Variants in SYTL3 observed in about 807,000 individuals in gnomAD.
SYTL3 encodes the protein synaptotagmin-like protein 3.
Under a neutral mutation model 82.1 loss-of-function variants are expected in SYTL3, and 88 were observed. That is an observed-to-expected ratio of 1.07 (90% CI 0.90 to 1.28). The LOEUF (loss-of-function observed/expected upper bound fraction) is 1.28, where lower values mean the gene tolerates loss of function less well. Ranked by LOEUF, SYTL3 falls within the 50% of genes most tolerant of loss-of-function variation. SYTL3 has a pLI of 0.00. For synonymous variants in SYTL3, 311 were observed against 289.4 expected, an observed-to-expected ratio of 1.07 and a Z score of -0.76; for missense variants, 831 against 757.6, an observed-to-expected ratio of 1.10 and a Z score of -1.14.
intron 6 of SYTL3, 23 bp from the exon 7 acceptor site, chr6:158,707,207 C>T (rs750153707): frequency 1.9e-5 from 30 of 1,612,590 alleles, no homozygotes; most frequent in Non-Finnish European, 2.5e-5. Flanking sequence ...ATAATAAACG[C>T]CCTCTATGGA....
At chr6:158,668,149 C>T (rs908963016) in intron 5 of SYTL3, among the ~76,000 whole-genome samples, 9 of 152,204 alleles carry the variant, frequency 5.9e-5, no homozygotes, top group African/African-American at 2.2e-4. Flanking sequence ...ACCCAGGTCC[C>T]CCCGGCCCCC....
At chr6:158,665,235 TTGAG>T (rs1392265968) in intron 4 of SYTL3, among the ~76,000 whole-genome samples, 156 bp from the exon 5 acceptor site, 1 of 152,184 alleles carries the variant, frequency 6.6e-6, no homozygotes, top group Non-Finnish European at 1.5e-5. Context: ...CTCTGAGATG[TTGAG>T]TGAGAGCCCA....
chr6:158,683,010 T>C (rs773659689), intron 6 of SYTL3, 21 bp downstream of exon 6: 1 of 1,546,804 alleles, frequency 6.5e-7, no homozygotes, highest in Non-Finnish European at 8.9e-7. Context: ...TTTACTTTTT[T>C]AGTAAAGTAA....
At chr6:158,739,162 G>A (rs1410649762) in intron 11 of SYTL3, among the ~76,000 whole-genome samples, 1 of 152,180 alleles carries the variant, frequency 6.6e-6, no homozygotes. Flanking sequence ...TTTGTAGTAT[G>A]TAACCTGTTC....
chr6:158,710,004 C>T (rs1231565317), intron 8 of SYTL3, among the ~76,000 whole-genome samples: 2 of 152,330 alleles, frequency 1.3e-5, no homozygotes, highest in South Asian at 2.1e-4. Flanking sequence ...CAATGCGTTC[C>T]AGCCTGGGCA....
intron 17 of SYTL3, 103 bp downstream of exon 17, chr6:158,763,612 T>G: frequency 9.9e-7 from 1 of 1,007,112 alleles, no homozygotes; most frequent in Admixed American, 2.0e-5. Context: ...TAACTGGTTT[T>G]GAAATTGCCT....
chr6:158,718,506 G>A (rs1049992899), intron 10 of SYTL3, among the ~76,000 whole-genome samples: 9 of 152,214 alleles, frequency 5.9e-5, no homozygotes, highest in South Asian at 2.1e-4. Context: ...TCAAGCCTGC[G>A]CCAAAGCCCA....
At chr6:158,748,764 G>A (rs2128520670) in intron 12 of SYTL3, among the ~76,000 whole-genome samples, 1 of 151,402 alleles carries the variant, frequency 6.6e-6, no homozygotes, top group South Asian at 2.1e-4. Flanking sequence ...AGAATCCCTT[G>A]AACCAGGGAG....
chr6:158,671,019 T>C (rs527894375), intron 5 of SYTL3, among the ~76,000 whole-genome samples: 6 of 151,998 alleles, frequency 3.9e-5, no homozygotes, highest in Admixed American at 3.9e-4. Context: ...TTAGCCAGGA[T>C]GGTCTTGATC....
At chr6:158,741,814 C>G (rs1170227697) in intron 11 of SYTL3, among the ~76,000 whole-genome samples, 1 of 152,202 alleles carries the variant, frequency 6.6e-6, no homozygotes, top group African/African-American at 2.4e-5. Flanking sequence ...CGAGCTTTTT[C>G]ACCTTTCCAA....
chr6:158,750,112 C>G (rs1268631494), intron 12 of SYTL3, among the ~76,000 whole-genome samples: 1 of 152,022 alleles, frequency 6.6e-6, no homozygotes, highest in Non-Finnish European at 1.5e-5. Flanking sequence ...GAATCCCAAA[C>G]ATAATATTGA....
chr6:158,705,478 A>G (rs1273890970), intron 6 of SYTL3, among the ~76,000 whole-genome samples: 65 of 86,096 alleles, frequency 7.5e-4, no homozygotes, highest in Non-Finnish European at 1.1e-3. Context: ...GGACCTGGGG[A>G]CAGGGTGACA....
chr6:158,706,305 T>C (rs1467627844), intron 6 of SYTL3, among the ~76,000 whole-genome samples: 1 of 152,178 alleles, frequency 6.6e-6, no homozygotes, highest in Non-Finnish European at 1.5e-5. Flanking sequence ...CCTTTGAGGC[T>C]TGGGGCTTGG....
chr6:158,661,991 G>A (rs926488013), intron 3 of SYTL3, among the ~76,000 whole-genome samples: 2 of 152,060 alleles, frequency 1.3e-5, no homozygotes, highest in Non-Finnish European at 2.9e-5. Context: ...GTTTAAATAC[G>A]TAGGCTTCAC....
At chr6:158,733,324 TTTTTTTA>T (rs1785657837) in intron 11 of SYTL3, among the ~76,000 whole-genome samples, 1 of 152,150 alleles carries the variant, frequency 6.6e-6, no homozygotes, top group Non-Finnish European at 1.5e-5. Context: ...TTGTCTATAC[TTTTTTTA>T]TTTTTTATTT....
intron 6 of SYTL3, among the ~76,000 whole-genome samples, chr6:158,688,468 G>A (rs1436896969): frequency 6.6e-6 from 1 of 152,050 alleles, no homozygotes; most frequent in Non-Finnish European, 1.5e-5. Context: ...TTACATTCAC[G>A]TAAAAAACTA....
intron 5 of SYTL3, among the ~76,000 whole-genome samples, chr6:158,669,320 C>G (rs1484696168): frequency 7.0e-6 from 1 of 143,132 alleles, no homozygotes; most frequent in Non-Finnish European, 1.5e-5. Context: ...CTTGTTCAGA[C>G]TTGTTTCCTT....
intron 5 of SYTL3, among the ~76,000 whole-genome samples, chr6:158,671,729 C>G (rs1044321579): frequency 1.7e-5 from 2 of 117,216 alleles, no homozygotes; most frequent in African/African-American, 7.9e-5. Flanking sequence ...CAGCGAGACT[C>G]AGTCTAAAAA....
intron 11 of SYTL3, among the ~76,000 whole-genome samples, chr6:158,742,719 T>TACAG (rs1223734159): frequency 6.6e-6 from 1 of 152,052 alleles, no homozygotes; most frequent in Non-Finnish European, 1.5e-5. Flanking sequence ...GGGACTGGAC[T>TACAG]ACAGGTGTGT....
Sources: gnomAD v4.1 joint callset for allele counts (sites outside exome capture counted in the v4.1 genomes callset) on GRCh38, gnomAD v4.1.1 for gene constraint, MANE v1.5 for transcripts, NCBI Gene and HGNC (gene_info 2026-07-23, HGNC 2026-07-21) for gene names.